TMEM59: variants seen among roughly 807,000 people sequenced by gnomAD.
TMEM59 encodes dendritic cell factor 1.
Under a neutral mutation model 42.2 loss-of-function variants are expected in TMEM59, and 44 were observed. That is an observed-to-expected ratio of 1.04 (90% CI 0.82 to 1.34). TMEM59 has a LOEUF of 1.34. Among genes scored for constraint, TMEM59 ranks in the 40% most tolerant of loss-of-function variants. The pLI is 0.00. For missense variants in TMEM59, 359 were observed against 382.8 expected, an observed-to-expected ratio of 0.94 and a Z score of 0.52; for synonymous variants, 148 against 145.8, an observed-to-expected ratio of 1.02 and a Z score of -0.11.
rs1656965944 is a variant in TMEM59, at chr1:54,036,696, T to C, written c.730A>G (p.Thr244Ala). Residue 244 changes from threonine (T) to alanine (A), a missense_variant, in exon 7 of 8, where the codon ACA (threonine) becomes GCA (alanine). Physicochemically the swap from Thr to Ala is moderately conservative, Grantham distance 58. Transcript: ENST00000234831. ...LSLNSGWILT[T>A]TLVLSVMVLL... Reference sequence around the variant, plus strand: ...ACCATCACCGAGAGGACAAGAGTTGTAGTTAAAATCCACCCAGAGTTACTG... The same window carrying C: ...ACCATCACCGAGAGGACAAGAGTTGCAGTTAAAATCCACCCAGAGTTACTG... 6.3e-7 allele frequency: 1 copy of C among 1,596,826 alleles called. No homozygotes were observed. The highest frequency in any genetic ancestry group is 1.1e-5 in the South Asian group (1 of 87,888).
Position 54,030,401 on chromosome 1 carries a change from T to A in TMEM59, c.*1749A>T, listed in dbSNP as rs1388210098. The A allele has an allele frequency of 6.6e-6, 1 of 152,134 alleles. No homozygotes were observed. The highest frequency in any genetic ancestry group is 1.5e-5 in the Non-Finnish European group (1 of 68,036). The allele number at this position is 152,134 out of a possible 1,614,324, so 9.4% of individuals were successfully genotyped here. The stretch of plus-strand genomic sequence containing the variant: ...TGGGAGACGAAACAACAGGGCTTTT[T>A]ATTTTTTTTTAATGGTAACTCCTAT... On this transcript the variant is annotated 3_prime_UTR_variant, in exon 8 of 8. Coordinates refer to ENST00000234831, the MANE Select transcript of TMEM59 (RefSeq NM_004872.5).
intron 1 of TMEM59, chr1:54,048,780 C>A: frequency 6.5e-6 from 2 of 308,442 alleles, no homozygotes; most frequent in South Asian, 2.9e-5. Flanking sequence ...ATTTACGCAG[C>A]AGCAACAATC....
At chr1:54,037,806 G>A (rs910664354) in intron 6 of TMEM59, among the ~76,000 whole-genome samples, 10 of 152,266 alleles carry the variant, frequency 6.6e-5, no homozygotes, top group Admixed American at 5.2e-4. Flanking sequence ...AGATAATAGA[G>A]TAAAATATGT....
rs181863426 is a variant in TMEM59, at chr1:54,050,532, C to G, written c.189+2468G>C. Among the ~76,000 whole-genome samples, 8 of 151,708 alleles carry G rather than the reference C, an allele frequency of 5.3e-5. No individual in the cohort carries two copies. In the East Asian group the frequency reaches 1.6e-3, roughly 30 times the overall value. On this transcript the variant is annotated intron_variant, in intron 1 of 7. Coordinates refer to ENST00000234831, the MANE Select transcript of TMEM59 (RefSeq NM_004872.5). The stretch of plus-strand genomic sequence containing the variant: ...CTGGAGCACAAAGCACAGAGGAGAG[C>G]CAATAGAAATCAGTGACATAATTAA...
intron 7 of TMEM59, chr1:54,033,398 C>T (rs954814862): frequency 2.6e-5 from 4 of 151,518 alleles, no homozygotes; most frequent in East Asian, 2.0e-4. Flanking sequence ...GTCAGGAGCT[C>T]GAGACCAGCC....
rs1304502959 is a variant in TMEM59 at position 54,048,806 on chromosome 1, C to T, written c.190-1434G>A. 6.0e-5 allele frequency: 14 copies of T among 232,958 alleles called. No homozygotes were observed. In the South Asian group the frequency reaches 7.4e-4, roughly 12 times the overall value. The allele number at this position is 232,958 out of a possible 1,614,324, so 14.4% of individuals were successfully genotyped here. On this transcript the variant is annotated intron_variant, in intron 1 of 7. Coordinates refer to ENST00000234831, the MANE Select transcript of TMEM59 (RefSeq NM_004872.5). ...AGCAACAATCCATCAAGAAGAGATG[C>T]CTGCAGTCTAATATTAAATATACTT... is the stretch of plus-strand genomic sequence containing the variant.
Position 54,036,602 on chromosome 1 carries a change from A to C in TMEM59, c.816+8T>G, listed in dbSNP as rs774343265. 2.1e-5 allele frequency: 33 copies of C among 1,553,574 alleles called. No individual in the cohort carries two copies. Among genetic ancestry groups the C allele is most frequent in the Admixed American group, 3.6e-5 (2 of 55,576 alleles). On this transcript the variant is annotated splice_region_variant and intron_variant, in intron 7 of 7. Coordinates refer to ENST00000234831, the MANE Select transcript of TMEM59 (RefSeq NM_004872.5). ...GCTCAGTCTTCAAATGGTAAGAATTAAATTTACCTCAGAGGGAACATACTG... is the reference window on the plus strand; with the variant it reads ...GCTCAGTCTTCAAATGGTAAGAATTCAATTTACCTCAGAGGGAACATACTG...
At chr1:54,037,789 T>C (rs569768184) in intron 6 of TMEM59, among the ~76,000 whole-genome samples, 4 of 152,298 alleles carry the variant, frequency 2.6e-5, no homozygotes, top group South Asian at 2.1e-4. Flanking sequence ...AAGTATCCAA[T>C]TTAGAAAGAT....
intron 3 of TMEM59, 72 bp downstream of exon 3, chr1:54,045,620 G>A (rs1386800626): frequency 1.4e-6 from 2 of 1,422,116 alleles, no homozygotes; most frequent in Non-Finnish European, 9.9e-7. Flanking sequence ...TCAAGTGGGT[G>A]ATAAACACTT....
At position 54,047,355 on chromosome 1, in the gene TMEM59, T is replaced by G; in HGVS notation, c.207A>C (p.Ala69=). The change falls in exon 2 of 8, where the codon GCA becomes GCC. Residue 69 remains alanine (A), a synonymous_variant. Transcript: ENST00000234831. ...HTYPKEEELY[A]CQRGCRLFSI... ...AAAACAGCCTGCAACCTCTCTGACA[T>G]GCGTACAACTCCTCTTCCTAGGGAG... is the stretch of plus-strand genomic sequence containing the variant. 1 of 1,613,706 alleles carries G rather than the reference T, an allele frequency of 6.2e-7. No individual in the cohort carries two copies. The highest frequency in any genetic ancestry group is 8.5e-7 in the Non-Finnish European group (1 of 1,179,922).
In TMEM59 at chr1:54,030,529, G is replaced by C. The variant is rs1026064171; in HGVS notation, c.*1621C>G. Reference sequence around the variant, plus strand: ...GTTGGTCTCGAACTCCTGACCTCAAGTGATCCTCCTGCTTTGGCCTCCCAA... The same window carrying C: ...GTTGGTCTCGAACTCCTGACCTCAACTGATCCTCCTGCTTTGGCCTCCCAA... On this transcript the variant is annotated 3_prime_UTR_variant, in exon 8 of 8. Coordinates refer to ENST00000234831, the MANE Select transcript of TMEM59 (RefSeq NM_004872.5). 2 of 152,486 alleles carry C rather than the reference G, an allele frequency of 1.3e-5. No homozygotes were observed. Among genetic ancestry groups the C allele is most frequent in the African/African-American group, 4.8e-5 (2 of 41,410 alleles). 9.4% of individuals were successfully genotyped at this position (152,486 alleles called of 1,614,324 possible).
intron 3 of TMEM59, chr1:54,044,801 A>C (rs775469419): frequency 6.6e-6 from 1 of 152,132 alleles, no homozygotes; most frequent in Non-Finnish European, 1.5e-5. Context: ...CTGCCTAAAA[A>C]ATTATAATAT....
At chr1:54,036,921 C>T (rs1403805829) in intron 6 of TMEM59, 2 of 331,434 alleles carry the variant, frequency 6.0e-6, no homozygotes, top group African/African-American at 4.3e-5. Context: ...CTTTTTCCTC[C>T]ACTTCTAATG....
At chr1:54,039,768 T>C (rs942511761) in intron 6 of TMEM59, among the ~76,000 whole-genome samples, 4 of 151,954 alleles carry the variant, frequency 2.6e-5, no homozygotes, top group African/African-American at 9.7e-5. Flanking sequence ...TGACACCGAG[T>C]AGGTGATAGT....
chr1:54,040,652 G>T (rs1344716558), intron 6 of TMEM59, 104 bp downstream of exon 6: 21 of 840,112 alleles, frequency 2.5e-5, no homozygotes, highest in Non-Finnish European at 3.8e-5. Flanking sequence ...CAAGTAAAAA[G>T]GTTTACTTTT....
Position 54,036,738 on chromosome 1 carries a change from A to C in TMEM59, c.708-20T>G. The C allele has an allele frequency of 6.6e-7, 1 of 1,514,208 alleles. No individual in the cohort carries two copies. Among genetic ancestry groups the C allele is most frequent in the South Asian group, 1.3e-5 (1 of 79,850 alleles). The allele number at this position is 1,514,208 out of a possible 1,614,324, so 93.8% of individuals were successfully genotyped here. A position where few individuals can be genotyped will look rare whatever the true frequency, so the allele number is the denominator to read the frequency against. ...GAGTTACTGGAAAAAAAAAATCAAC[A>C]ATTAGTTATATTAAAATTTTATAAG... On this transcript the variant is annotated intron_variant, in intron 6 of 7. Transcript: ENST00000234831.
In TMEM59 at chr1:54,027,442, A is replaced by G. The variant is rs111524814; in HGVS notation, c.*4708T>C. 3 of 118,626 alleles carry G rather than the reference A, an allele frequency of 2.5e-5. No individual in the cohort carries two copies. Among genetic ancestry groups the G allele is most frequent in the East Asian group, 2.1e-4 (1 of 4,766 alleles). The allele number at this position is 118,626 out of a possible 1,614,324, so 7.3% of individuals were successfully genotyped here. A position where few individuals can be genotyped will look rare whatever the true frequency, so the allele number is the denominator to read the frequency against. ...AATGGCACAAAAAAGTTTGAAACAA[A>G]TAAGTCATTAATATCACAGGAAGAG... On this transcript the variant is annotated 3_prime_UTR_variant, in exon 8 of 8. Transcript: ENST00000234831.
chr1:54,036,705 T>C lies in TMEM59; in HGVS notation c.721A>G (p.Ile241Val). ...GAGAGGACAAGAGTTGTAGTTAAAA[T>C]CCACCCAGAGTTACTGGAAAAAAAA... ...LRCLSLNSGWILTTTLVLSVM... is the reference protein window; with the variant it reads ...LRCLSLNSGWVLTTTLVLSVM... The change falls in exon 7 of 8, where the codon ATT becomes GTT. Residue 241 changes from isoleucine (I) to valine (V), a missense_variant. Physicochemically the swap from Ile to Val is conservative, Grantham distance 29. Coordinates refer to ENST00000234831, the MANE Select transcript of TMEM59 (RefSeq NM_004872.5). 1 of 1,593,638 alleles carries C rather than the reference T, an allele frequency of 6.3e-7. No individual in the cohort carries two copies. Among genetic ancestry groups the C allele is most frequent in the Non-Finnish European group, 8.5e-7 (1 of 1,172,228 alleles).
chr1:54,040,927 T>C (rs558240159), intron 5 of TMEM59, 90 bp from the exon 6 acceptor site: 3 of 999,916 alleles, frequency 3.0e-6, no homozygotes, highest in Admixed American at 4.2e-5. Flanking sequence ...ACTTTACAGA[T>C]ATCCAATTGT....
Sources: gnomAD v4.1 joint callset for allele counts (sites outside exome capture counted in the v4.1 genomes callset) on GRCh38, gnomAD v4.1.1 for gene constraint, MANE v1.5 for transcripts, NCBI Gene and HGNC (gene_info 2026-07-23, HGNC 2026-07-21) for gene names.